ANKRD44: variants seen among roughly 807,000 people sequenced by gnomAD.
ANKRD44 encodes ankyrin repeat domain 44, also known as serine/threonine-protein phosphatase 6 regulatory ankyrin repeat subunit B.
A neutral mutation model predicts 116.0 loss-of-function variants in ANKRD44; 35 were observed. The ratio of observed to expected loss-of-function variants is 0.30; its 90% CI spans 0.23 to 0.40. The LOEUF (loss-of-function observed/expected upper bound fraction) is 0.40. Among genes scored for constraint, ANKRD44 ranks in the 10% least tolerant of loss-of-function variants. The probability of loss-of-function intolerance (pLI) is 1.00; values close to 1 mark genes in which losing one functional copy is unlikely to be tolerated. For synonymous variants in ANKRD44, 435 were observed against 461.8 expected (o/e 0.94, Z 0.74); for missense variants, 1,014 against 1,242.6 (o/e 0.82, Z 2.77).
At chr2:197,188,261 G>C (rs1262357568) in intron 1 of ANKRD44, among the ~76,000 whole-genome samples, 4 of 152,284 alleles carry the variant, frequency 2.6e-5, no homozygotes, top group African/African-American at 7.2e-5. Context: ...AGAACAGCTA[G>C]CTCCACTTGG....
intron 2 of ANKRD44, among the ~76,000 whole-genome samples, chr2:197,169,691 C>T (rs1335894758): frequency 6.6e-6 from 1 of 152,174 alleles, no homozygotes; most frequent in Non-Finnish European, 1.5e-5. Flanking sequence ...TCTCAGGCCC[C>T]ACCCTGGACC....
At chr2:197,199,640 A>G (rs939136350) in intron 1 of ANKRD44, among the ~76,000 whole-genome samples, 2 of 152,072 alleles carry the variant, frequency 1.3e-5, no homozygotes, top group African/African-American at 4.8e-5. Flanking sequence ...GGGTCTTGCT[A>G]TATTGTCCAG....
At chr2:197,222,279 A>G (rs1010199521) in intron 1 of ANKRD44, among the ~76,000 whole-genome samples, 2 of 152,160 alleles carry the variant, frequency 1.3e-5, no homozygotes, top group African/African-American at 4.8e-5. Context: ...GGAGGAGGGT[A>G]GGGAAGGAGG....
chr2:196,992,272 C>A (rs962550658), intron 27 of ANKRD44, among the ~76,000 whole-genome samples: 7 of 152,158 alleles, frequency 4.6e-5, no homozygotes, highest in Non-Finnish European at 7.3e-5. Flanking sequence ...CCCCACCCTG[C>A]CCTTTAGGAC....
chr2:197,175,349 C>T (rs2080340739), intron 2 of ANKRD44, among the ~76,000 whole-genome samples: 1 of 152,098 alleles, frequency 6.6e-6, no homozygotes, highest in Admixed American at 6.5e-5. Context: ...ATGGAGTGTC[C>T]CCTGCTTGAA....
chr2:197,016,094 A>G (rs1269173232), intron 17 of ANKRD44: 2 of 417,920 alleles, frequency 4.8e-6, no homozygotes, highest in Admixed American at 2.8e-5. Flanking sequence ...CTTTGAGACA[A>G]TTGTCCCAAA....
intron 16 of ANKRD44, chr2:197,029,756 T>C (rs967118857): frequency 7.0e-6 from 2 of 287,058 alleles, no homozygotes; most frequent in Non-Finnish European, 6.9e-6. Context: ...ATCTTTTTGA[T>C]ATCACTCCAG....
At chr2:197,107,928 T>A (rs1373660322) in intron 9 of ANKRD44, among the ~76,000 whole-genome samples, 3 of 152,220 alleles carry the variant, frequency 2.0e-5, no homozygotes, top group African/African-American at 7.2e-5. Flanking sequence ...AAATGTCAAA[T>A]GGAAGAATTC....
chr2:197,125,714 T>C, intron 5 of ANKRD44, 123 bp downstream of exon 5: 1 of 1,154,716 alleles, frequency 8.7e-7, no homozygotes, highest in Non-Finnish European at 1.2e-6. Flanking sequence ...ATATAGATGC[T>C]GAAGGTTTGG....
chr2:197,272,301 C>T (rs952621959), intron 1 of ANKRD44, among the ~76,000 whole-genome samples: 6 of 152,166 alleles, frequency 3.9e-5, no homozygotes, highest in Non-Finnish European at 5.9e-5. Context: ...TGCAGTGACA[C>T]GATCTCAGCT....
intron 21 of ANKRD44, among the ~76,000 whole-genome samples, chr2:196,976,915 G>A (rs2075765082): frequency 6.6e-6 from 1 of 151,912 alleles, no homozygotes; most frequent in African/African-American, 2.4e-5. Flanking sequence ...GAGGGAGGGA[G>A]GGAGGGCTCT....
intron 9 of ANKRD44, among the ~76,000 whole-genome samples, chr2:197,108,871 C>CAACAACAA (rs936579634): frequency 8.0e-5 from 12 of 150,566 alleles, no homozygotes; most frequent in Admixed American, 2.0e-4. Flanking sequence ...ACAACAACAA[C>CAACAACAA]AAAAACACAA....
chr2:197,228,455 T>C (rs2081772701), intron 1 of ANKRD44, among the ~76,000 whole-genome samples: 1 of 152,198 alleles, frequency 6.6e-6, no homozygotes, highest in Admixed American at 6.5e-5. Context: ...CACCAAGAGA[T>C]TTCCTTTTGA....
chr2:197,108,167 A>T (rs1393560347), intron 9 of ANKRD44, among the ~76,000 whole-genome samples: 1 of 152,174 alleles, frequency 6.6e-6, no homozygotes, highest in East Asian at 1.9e-4. Flanking sequence ...CTGTGTTCAG[A>T]TCCCTATTCC....
intron 16 of ANKRD44, among the ~76,000 whole-genome samples, chr2:197,062,926 T>C (rs2125060910): frequency 6.6e-6 from 1 of 151,838 alleles, no homozygotes; most frequent in African/African-American, 2.4e-5. Context: ...AGCAGAAACC[T>C]CTGCAGACTT....
intron 10 of ANKRD44, among the ~76,000 whole-genome samples, chr2:197,096,984 T>C (rs2078175924): frequency 1.3e-5 from 2 of 152,182 alleles, no homozygotes; most frequent in African/African-American, 4.8e-5. Flanking sequence ...AAAGCAGACA[T>C]GGCTCTTTCA....
chr2:196,986,629 A>G (rs2075840520), downstream of ANKRD44: 1 of 882,366 alleles, frequency 1.1e-6, no homozygotes. Flanking sequence ...CATAATTTAG[A>G]AAAAGCATAA....
chr2:197,027,660 A>G (rs1208095871), intron 16 of ANKRD44, among the ~76,000 whole-genome samples: 1 of 150,090 alleles, frequency 6.7e-6, no homozygotes, highest in Non-Finnish European at 1.5e-5. Flanking sequence ...ATGACAGATC[A>G]AGGAAAATAA....
At position 197,111,334 on chromosome 2, in the gene ANKRD44, TCA is replaced by T. The variant is rs2078560691; in HGVS notation, c.907-492_907-491del. 5.3e-5 allele frequency among the ~76,000 whole-genome samples: 8 copies of T among 152,308 alleles called. No individual in the cohort carries two copies. In the South Asian group the frequency reaches 1.7e-3, roughly 32 times the overall value. On this transcript the variant is annotated intron_variant, in intron 8 of 27. Coordinates refer to ENST00000282272, the MANE Select transcript of ANKRD44 (RefSeq NM_001195144.2). Reference sequence around the variant, plus strand: ...CTGAAGCTGACCAAATGGCTCTGAATCACTGCAACTCTTAAAACTGACCTGAG... The same window carrying T: ...CTGAAGCTGACCAAATGGCTCTGAATCTGCAACTCTTAAAACTGACCTGAG...
Sources: gnomAD v4.1 joint callset for allele counts (sites outside exome capture counted in the v4.1 genomes callset) on GRCh38, gnomAD v4.1.1 for gene constraint, MANE v1.5 for transcripts, NCBI Gene and HGNC (gene_info 2026-07-23, HGNC 2026-07-21) for gene names.